PLXNA2: variants seen among roughly 807,000 people sequenced by gnomAD.
PLXNA2 encodes the protein plexin-A2.
A neutral mutation model predicts 193.5 loss-of-function variants in PLXNA2; 91 were observed. The observed-to-expected ratio is 0.47, with a 90% confidence interval of 0.40 to 0.56. The LOEUF is 0.56. Among genes scored for constraint, PLXNA2 ranks in the 20% least tolerant of loss-of-function variants. PLXNA2 has a pLI of 0.00. For synonymous variants in PLXNA2, 997 were observed against 1,027.3 expected (o/e 0.97, Z 0.56); for missense variants, 1,995 against 2,503.2 (o/e 0.80, Z 4.33).
chr1:208,216,586 T>G, intron 2 of PLXNA2, 149 bp downstream of exon 2: 2 of 818,846 alleles, frequency 2.4e-6, no homozygotes, highest in Non-Finnish European at 3.8e-6. Flanking sequence ...GACCCTGCGT[T>G]ATTGGTTACC....
chr1:208,238,834 G>C (rs765161564), intron 1 of PLXNA2, among the ~76,000 whole-genome samples: 2 of 152,240 alleles, frequency 1.3e-5, no homozygotes, highest in African/African-American at 4.8e-5. Context: ...GCCCCTCGGG[G>C]TTGGGTCAGA....
chr1:208,103,051 A>AT, intron 5 of PLXNA2, 96 bp downstream of exon 5: 2 of 440,358 alleles, frequency 4.5e-6, no homozygotes, highest in East Asian at 8.5e-5. Context: ...GAAGAGGACA[A>AT]TTCCTCTCTC....
At chr1:208,080,634 A>G (rs1011076528) in intron 11 of PLXNA2, among the ~76,000 whole-genome samples, 10 of 152,148 alleles carry the variant, frequency 6.6e-5, no homozygotes, top group African/African-American at 2.4e-4. Flanking sequence ...CTTTAGTCCC[A>G]GCTGCAGGGC....
chr1:208,133,869 TC>T (rs998554575), intron 4 of PLXNA2, among the ~76,000 whole-genome samples: 2 of 152,206 alleles, frequency 1.3e-5, no homozygotes, highest in African/African-American at 4.8e-5. Context: ...GGCATCAGTT[TC>T]CCCATATTTA....
At position 208,207,171 on chromosome 1, in the gene PLXNA2, A is replaced by G. The variant is rs566184046; in HGVS notation, c.1371+3109T>C. ...CAGGCATGTGCCACCACGCCTAGCT[A>G]ATTTTTGTATTTTTAGTAGAGACGG... On this transcript the variant is annotated intron_variant, in intron 3 of 31. Transcript: ENST00000367033. 2.6e-5 allele frequency among the ~76,000 whole-genome samples: 4 copies of G among 151,890 alleles called. No individual in the cohort carries two copies. In the South Asian group the frequency reaches 8.3e-4, roughly 32 times the overall value.
At chr1:208,147,096 C>T (rs1668625564) in intron 3 of PLXNA2, among the ~76,000 whole-genome samples, 1 of 152,198 alleles carries the variant, frequency 6.6e-6, no homozygotes, top group Non-Finnish European at 1.5e-5. Flanking sequence ...AATCACAGCT[C>T]ACTGCAGCCT....
At chr1:208,097,010 G>A (rs1358918697) in intron 6 of PLXNA2, 127 bp from the exon 7 acceptor site, 2 of 731,126 alleles carry the variant, frequency 2.7e-6, no homozygotes, top group Non-Finnish European at 4.3e-6. Context: ...GAAGGATGTT[G>A]GTCTAAGTGG....
intron 1 of PLXNA2, among the ~76,000 whole-genome samples, chr1:208,227,574 G>C (rs1671551676): frequency 6.6e-6 from 1 of 152,178 alleles, no homozygotes; most frequent in African/African-American, 2.4e-5. Flanking sequence ...TTATGTTAAA[G>C]GTCAAAACTT....
At chr1:208,231,049 G>A (rs1671675135) in intron 1 of PLXNA2, among the ~76,000 whole-genome samples, 2 of 152,174 alleles carry the variant, frequency 1.3e-5, no homozygotes, top group Admixed American at 6.5e-5. Context: ...CAGTCCCTTG[G>A]TGAAGGAGCA....
chr1:208,076,845 C>T (rs980043682), intron 12 of PLXNA2, among the ~76,000 whole-genome samples: 2 of 152,138 alleles, frequency 1.3e-5, no homozygotes, highest in African/African-American at 4.8e-5. Flanking sequence ...TGTATCCATG[C>T]TAATTTCCTG....
At chr1:208,050,961 C>A in intron 17 of PLXNA2, 48 bp downstream of exon 17, 1 of 1,384,550 alleles carries the variant, frequency 7.2e-7, no homozygotes, top group Non-Finnish European at 1.0e-6. Flanking sequence ...AAAACATCAA[C>A]ACAGAGCTGT....
intron 3 of PLXNA2, among the ~76,000 whole-genome samples, chr1:208,163,312 T>A (rs1336945254): frequency 6.6e-6 from 1 of 152,112 alleles, no homozygotes; most frequent in African/African-American, 2.4e-5. Context: ...ATGTGAAAGC[T>A]AACTTAGAGA....
chr1:208,029,381 A>C, intron 29 of PLXNA2: 1 of 1,087,146 alleles, frequency 9.2e-7, no homozygotes, highest in African/African-American at 1.6e-5. Context: ...ACATTTTCTC[A>C]GGGCTTCACA....
intron 1 of PLXNA2, among the ~76,000 whole-genome samples, chr1:208,223,126 A>G (rs1276696278): frequency 3.3e-5 from 5 of 152,176 alleles, no homozygotes; most frequent in Non-Finnish European, 5.9e-5. Flanking sequence ...TTCCTTTCCC[A>G]TGATGGAGAG....
At chr1:208,074,547 C>T (rs1046366362) in intron 12 of PLXNA2, among the ~76,000 whole-genome samples, 5 of 152,174 alleles carry the variant, frequency 3.3e-5, no homozygotes, top group African/African-American at 1.2e-4. Context: ...ATGAAGCTGC[C>T]ATAAAAGATG....
intron 29 of PLXNA2, chr1:208,030,764 T>A (rs967983936): frequency 3.0e-6 from 3 of 985,272 alleles, no homozygotes; most frequent in South Asian, 9.4e-5. Flanking sequence ...CCCAAATGCC[T>A]GGACCTCCCC....
chr1:208,112,964 T>C (rs1301746462), intron 4 of PLXNA2, among the ~76,000 whole-genome samples: 1 of 129,754 alleles, frequency 7.7e-6, no homozygotes, highest in Non-Finnish European at 1.5e-5. Flanking sequence ...GAGGTAGAAG[T>C]AGGACCCTTT....
At chr1:208,197,365 G>C (rs542909127) in intron 3 of PLXNA2, among the ~76,000 whole-genome samples, 7 of 152,266 alleles carry the variant, frequency 4.6e-5, no homozygotes, top group African/African-American at 1.7e-4. Flanking sequence ...CAGGCTGAGG[G>C]TGAATGGGGC....
At chr1:208,220,599 A>AT (rs71303058) in intron 1 of PLXNA2, among the ~76,000 whole-genome samples, 9,912 of 139,856 alleles carry the variant, frequency 0.071, 366 homozygotes, top group African/African-American at 0.079. Flanking sequence ...CACCCGCCTA[A>AT]TTTTTTTTTT....
Sources: allele counts gnomAD v4.1 joint callset (sites outside exome capture counted in the v4.1 genomes callset), GRCh38; gene constraint gnomAD v4.1.1; transcripts MANE v1.5; gene names NCBI Gene and HGNC (gene_info 2026-07-23, HGNC 2026-07-21).